NLRP5: variants seen among roughly 807,000 people sequenced by gnomAD.
NLRP5 encodes NACHT, LRR and PYD domains-containing protein 5.
In NLRP5, 93 loss-of-function variants were observed where a neutral mutation model predicts 113.1. That is an observed-to-expected ratio of 0.82 (90% CI 0.70 to 0.98). The LOEUF (loss-of-function observed/expected upper bound fraction) is 0.98, where lower values mean the gene tolerates loss of function less well. Ranked by LOEUF, NLRP5 falls within the 50% of genes least tolerant of loss-of-function variation. The pLI, the probability that NLRP5 is intolerant of heterozygous loss-of-function variation, is 0.00. For missense variants in NLRP5, 1,808 were observed against 1,514.3 expected (o/e 1.19, Z -3.22); for synonymous variants, 751 against 600.7 (o/e 1.25, Z -3.66).
At chr19:56,057,724 C>T (rs1440502464) in intron 13 of NLRP5, among the ~76,000 whole-genome samples, 3 of 152,038 alleles carry the variant, frequency 2.0e-5, no homozygotes, top group Admixed American at 1.3e-4. Flanking sequence ...CCTGGGAACT[C>T]GTTAGAAATG....
the NLRP5 span, chr19:55,988,434 ATGTG>A: frequency 0.01 from 1,289 of 126,956 alleles, 22 homozygotes; most frequent in African/African-American, 0.025. Flanking sequence ...AAATATATAT[ATGTG>A]TGTGTGTATA....
In NLRP5 at chr19:56,004,043, T is replaced by C; in HGVS notation, c.390T>C (p.Phe130=). 1 of 1,613,426 alleles carries C rather than the reference T, an allele frequency of 6.2e-7. No individual in the cohort carries two copies. The highest frequency in any genetic ancestry group is 1.1e-5 in the South Asian group (1 of 90,962). The change falls in exon 2 of 15, where the codon TTT becomes TTC. Residue 130 remains phenylalanine, a synonymous_variant. Coordinates refer to ENST00000390649, the MANE Select transcript of NLRP5 (RefSeq NM_153447.4). ...CCTGGGCTACGTCCATTAGCATCTT[T>C]GAAAACATGAACCTGCGAACCCTCT...
chr19:56,040,462 G>A (rs1432165815), intron 10 of NLRP5, among the ~76,000 whole-genome samples: 1 of 152,188 alleles, frequency 6.6e-6, no homozygotes, highest in East Asian at 1.9e-4. Flanking sequence ...CAGCTACTCA[G>A]GAGGCTGAGG....
intron 10 of NLRP5, among the ~76,000 whole-genome samples, chr19:56,039,724 C>A (rs1366419474): frequency 1.3e-5 from 2 of 152,070 alleles, no homozygotes; most frequent in Non-Finnish European, 2.9e-5. Flanking sequence ...CCAGCCTGGC[C>A]AACGTGGTGA....
intron 2 of NLRP5, among the ~76,000 whole-genome samples, chr19:56,007,199 C>T (rs1981955693): frequency 6.6e-6 from 1 of 151,200 alleles, no homozygotes; most frequent in African/African-American, 2.5e-5. Context: ...CCTGTCTCTA[C>T]TAAAAATACA....
intron 1 of NLRP5, among the ~76,000 whole-genome samples, chr19:56,002,602 C>G (rs1367622479): frequency 6.7e-6 from 1 of 149,692 alleles, no homozygotes; most frequent in East Asian, 2.0e-4. Context: ...TCTCCTAATG[C>G]TATCGCTCCC....
chr19:56,026,527 C>A (rs1287676927), intron 6 of NLRP5, among the ~76,000 whole-genome samples: 326 of 40,280 alleles, frequency 8.1e-3, no homozygotes, highest in Middle Eastern at 0.029. Flanking sequence ...GACTCCATCT[C>A]AAAAAAAAAA....
chr19:56,002,452 A>T (rs73066197), intron 1 of NLRP5, among the ~76,000 whole-genome samples: 12,659 of 151,260 alleles, frequency 0.084, 728 homozygotes, highest in African/African-American at 0.15. Flanking sequence ...TATTTGCCAG[A>T]GGTTTTTTTT....
chr19:55,993,906 G>A, the NLRP5 span, among the ~76,000 whole-genome samples: 1 of 151,818 alleles, frequency 6.6e-6, no homozygotes, highest in Non-Finnish European at 1.5e-5. Flanking sequence ...CAGTTAGGTA[G>A]ATTACATATC....
rs551593086 is a variant in NLRP5, at chr19:56,032,685, G to A, written c.2351G>A (p.Arg784Gln). 79 of 1,613,570 alleles carry A rather than the reference G, an allele frequency of 4.9e-5. No homozygotes were observed. The highest frequency in any genetic ancestry group is 3.3e-4 in the Middle Eastern group (2 of 5,992). Reference sequence around the variant, plus strand: ...ATGCTTGGCACCCACCCACACCTGCGGCAGCTGGACCTGGGCAGCAGCATC... The same window carrying A: ...ATGCTTGGCACCCACCCACACCTGCAGCAGCTGGACCTGGGCAGCAGCATC... Residue 784 changes from arginine to glutamine, a missense_variant, in exon 8 of 15, where the codon CGG (arginine) becomes CAG (glutamine). By Grantham distance (43) the Arg-to-Gln change is conservative. Coordinates refer to ENST00000390649, the MANE Select transcript of NLRP5 (RefSeq NM_153447.4).
chr19:56,046,344 C>G (rs306435), intron 11 of NLRP5, among the ~76,000 whole-genome samples: 1 of 151,820 alleles, frequency 6.6e-6, no homozygotes, highest in African/African-American at 2.4e-5. Flanking sequence ...GGTTAGCTAG[C>G]ATTTTGTTAA....
intron 2 of NLRP5, among the ~76,000 whole-genome samples, chr19:56,004,847 C>G (rs1257781797): frequency 1.3e-5 from 2 of 151,912 alleles, no homozygotes; most frequent in Non-Finnish European, 2.9e-5. Flanking sequence ...GATCCCAGCA[C>G]TTTGGGAGGC....
Position 56,032,651 on chromosome 19 carries a change from T to A in NLRP5, c.2317T>A (p.Phe773Ile). 1 of 1,613,788 alleles carries A rather than the reference T, an allele frequency of 6.2e-7. No individual in the cohort carries two copies. Among genetic ancestry groups the A allele is most frequent in the Non-Finnish European group, 8.5e-7 (1 of 1,179,818 alleles). Residue 773 changes from phenylalanine (F) to isoleucine (I), a missense_variant, in exon 8 of 15, where the codon TTC (phenylalanine) becomes ATC (isoleucine). Transcript: ENST00000390649. ...CCTCATTGAGGAGCAGTGGGAAGATTTCTGCTCCATGCTTGGCACCCACCC... is the reference window on the plus strand; with the variant it reads ...CCTCATTGAGGAGCAGTGGGAAGATATCTGCTCCATGCTTGGCACCCACCC...
intron 14 of NLRP5, among the ~76,000 whole-genome samples, chr19:56,060,644 C>A (rs1984317507): frequency 6.6e-6 from 1 of 152,136 alleles, no homozygotes; most frequent in South Asian, 2.1e-4. Context: ...GTCATGCCTG[C>A]ATCTTAGGAC....
Position 56,053,670 on chromosome 19 carries a change from G to A in NLRP5, c.3161G>A (p.Cys1054Tyr). The change falls in exon 13 of 15, where the codon TGT becomes TAT. Residue 1054 changes from cysteine (C) to tyrosine (Y), a missense_variant. Coordinates refer to ENST00000390649, the MANE Select transcript of NLRP5 (RefSeq NM_153447.4). ...AAGTGTCATCTCACCGCCGCGTGCT[G>A]TGAGAGTCTGTCCTGTGTGATCTCG... 1.9e-6 allele frequency: 3 copies of A among 1,613,974 alleles called. No individual in the cohort carries two copies. The highest frequency in any genetic ancestry group is 2.5e-6 in the Non-Finnish European group (3 of 1,179,882).
chr19:56,038,084 C>A lies in NLRP5; in HGVS notation c.2675C>A (p.Thr892Asn). 1 of 1,613,964 alleles carries A rather than the reference C, an allele frequency of 6.2e-7. No individual in the cohort carries two copies. Among genetic ancestry groups the A allele is most frequent in the Non-Finnish European group, 8.5e-7 (1 of 1,179,864 alleles). Residue 892 changes from threonine to asparagine, a missense_variant, in exon 10 of 15, where the codon ACC (threonine) becomes AAC (asparagine). Coordinates refer to ENST00000390649, the MANE Select transcript of NLRP5 (RefSeq NM_153447.4). ...CTGAAGATCTCCCAAATCCTTACGA[C>A]CTCCCCCAGCCTGAAATCTCTGAGC...
rs193223314 is a variant in NLRP5, at chr19:56,036,928, G to A, written c.2616-1097G>A. Among the ~76,000 whole-genome samples the A allele has an allele frequency of 2.4e-4, 37 of 152,330 alleles. No individual in the cohort carries two copies. The East Asian group carries it at 6.9e-3, about 29-fold the overall frequency. ...GCCGAGATTGCGCCACTGCACTCTAGCCTGGGTGACAGAGTGAGACTGTCT... is the reference window on the plus strand; with the variant it reads ...GCCGAGATTGCGCCACTGCACTCTAACCTGGGTGACAGAGTGAGACTGTCT... On this transcript the variant is annotated intron_variant, in intron 9 of 14. Coordinates refer to ENST00000390649, the MANE Select transcript of NLRP5 (RefSeq NM_153447.4).
chr19:56,032,495 C>T, intron 7 of NLRP5, 116 bp from the exon 8 acceptor site: 1 of 890,488 alleles, frequency 1.1e-6, no homozygotes, highest in Non-Finnish European at 1.7e-6. Flanking sequence ...CTCAGGGCCT[C>T]TAAAGCCACC....
intron 3 of NLRP5, among the ~76,000 whole-genome samples, chr19:56,014,868 G>T (rs1982345258): frequency 6.6e-6 from 1 of 152,150 alleles, no homozygotes; most frequent in African/African-American, 2.4e-5. Flanking sequence ...CTTCAAGATA[G>T]ATTGGCTATT....
Sources: gnomAD v4.1 joint callset for allele counts (sites outside exome capture counted in the v4.1 genomes callset) on GRCh38, gnomAD v4.1.1 for gene constraint, MANE v1.5 for transcripts, NCBI Gene and HGNC (gene_info 2026-07-23, HGNC 2026-07-21) for gene names.